Variants in SUGCT observed in about 807,000 individuals in gnomAD.
SUGCT encodes succinyl-CoA:glutarate-CoA transferase.
In SUGCT, 41 loss-of-function variants were observed where a neutral mutation model predicts 55.0. The ratio of observed to expected loss-of-function variants is 0.74; its 90% CI spans 0.58 to 0.97. The LOEUF (loss-of-function observed/expected upper bound fraction) is 0.97, where lower values mean the gene tolerates loss of function less well. SUGCT is among the 50% of genes least tolerant of loss of function. SUGCT has a pLI of 0.00. For missense variants in SUGCT, 568 were observed against 547.8 expected, an observed-to-expected ratio of 1.04 and a Z score of -0.37; for synonymous variants, 187 against 200.4, an observed-to-expected ratio of 0.93 and a Z score of 0.56.
At chr7:40,359,823 A>G (rs184352985) in intron 9 of SUGCT, among the ~76,000 whole-genome samples, 8 of 152,320 alleles carry the variant, frequency 5.3e-5, no homozygotes, top group Non-Finnish European at 1.0e-4. Flanking sequence ...AATGGTAGCT[A>G]TTATTTACAT....
At chr7:40,347,824 C>T (rs1391437712) in intron 9 of SUGCT, among the ~76,000 whole-genome samples, 1 of 152,306 alleles carries the variant, frequency 6.6e-6, no homozygotes, top group East Asian at 1.9e-4. Flanking sequence ...TCTTGAAAAT[C>T]TGTTCAGATC....
At chr7:40,771,098 GAAATTCC>G (rs1441056895) in intron 13 of SUGCT, among the ~76,000 whole-genome samples, 1 of 152,086 alleles carries the variant, frequency 6.6e-6, no homozygotes, top group East Asian at 1.9e-4. Flanking sequence ...AAGTTTTCTA[GAAATTCC>G]CAGGAAGTTA....
chr7:40,380,008 A>G (rs1784792546), intron 9 of SUGCT, among the ~76,000 whole-genome samples: 2 of 152,222 alleles, frequency 1.3e-5, no homozygotes, highest in Admixed American at 6.5e-5. Flanking sequence ...ATGTTAGACA[A>G]TTGGCAAATG....
chr7:40,755,939 TTTGGAAC>T (rs1360696239), intron 13 of SUGCT, among the ~76,000 whole-genome samples: 6 of 152,180 alleles, frequency 3.9e-5, no homozygotes, highest in African/African-American at 1.4e-4. Context: ...AATACTCACA[TTTGGAAC>T]TTGCAGCAGT....
intron 12 of SUGCT, among the ~76,000 whole-genome samples, chr7:40,648,927 A>G (rs1042380720): frequency 6.6e-6 from 1 of 152,182 alleles, no homozygotes; most frequent in Non-Finnish European, 1.5e-5. Context: ...GTTTGAGGCA[A>G]TTTGTTACAG....
chr7:40,888,017 T>A, the SUGCT span, among the ~76,000 whole-genome samples: 1 of 152,102 alleles, frequency 6.6e-6, no homozygotes, highest in Non-Finnish European at 1.5e-5. Flanking sequence ...ATCTCTGAAG[T>A]GGCAGAGCTG....
At chr7:40,708,715 A>G (rs1785551821) in intron 12 of SUGCT, among the ~76,000 whole-genome samples, 1 of 151,976 alleles carries the variant, frequency 6.6e-6, no homozygotes, top group Non-Finnish European at 1.5e-5. Context: ...AGCACTCTAG[A>G]TATCCTCATA....
chr7:40,294,195 C>T (rs1037408365), intron 8 of SUGCT, among the ~76,000 whole-genome samples: 13 of 152,074 alleles, frequency 8.5e-5, no homozygotes, highest in African/African-American at 3.1e-4. Flanking sequence ...GGTGATCCGC[C>T]TGCCTCAGCC....
the SUGCT span, among the ~76,000 whole-genome samples, chr7:41,029,496 A>G: frequency 2.2e-4 from 33 of 152,276 alleles, 1 homozygote; most frequent in East Asian, 6.2e-3. Context: ...TACACCCTGT[A>G]AAGCCCCTTG....
chr7:40,514,651 A>G (rs1793133267), intron 12 of SUGCT, among the ~76,000 whole-genome samples: 1 of 142,778 alleles, frequency 7.0e-6, no homozygotes, highest in African/African-American at 2.6e-5. Flanking sequence ...CGGAGGTTGC[A>G]GTGAGCCGAG....
the SUGCT span, among the ~76,000 whole-genome samples, chr7:40,899,239 C>A: frequency 6.6e-6 from 1 of 152,188 alleles, no homozygotes; most frequent in East Asian, 1.9e-4. Flanking sequence ...CTCCTTCCCT[C>A]CCTCCTCACC....
the SUGCT span, among the ~76,000 whole-genome samples, chr7:40,870,942 C>T: frequency 7.9e-5 from 12 of 152,106 alleles, no homozygotes; most frequent in African/African-American, 2.7e-4. Context: ...TCAACACGCT[C>T]CTACCTTTTT....
At chr7:40,452,965 C>G (rs1383845998) in intron 10 of SUGCT, among the ~76,000 whole-genome samples, 1 of 152,182 alleles carries the variant, frequency 6.6e-6, no homozygotes, top group East Asian at 1.9e-4. Context: ...AACTGGCAGT[C>G]AACTTAACCA....
At chr7:40,837,957 G>A (rs1408768262) in intron 13 of SUGCT, among the ~76,000 whole-genome samples, 1 of 152,128 alleles carries the variant, frequency 6.6e-6, no homozygotes, top group East Asian at 1.9e-4. Flanking sequence ...TTAGGATGAG[G>A]TCTGTTGCCT....
intron 9 of SUGCT, among the ~76,000 whole-genome samples, chr7:40,324,158 A>G (rs546125506): frequency 2.6e-4 from 40 of 151,176 alleles, no homozygotes; most frequent in Non-Finnish European, 4.4e-5. Context: ...TATTTTGCCT[A>G]AGGGCATTGC....
intron 7 of SUGCT, among the ~76,000 whole-genome samples, chr7:40,258,873 T>G (rs1357904233): frequency 6.6e-6 from 1 of 152,148 alleles, no homozygotes; most frequent in Admixed American, 6.5e-5. Flanking sequence ...GTGGAAGAGA[T>G]ATGTGCACTC....
At chr7:40,895,912 C>T in the SUGCT span, among the ~76,000 whole-genome samples, 6 of 152,208 alleles carry the variant, frequency 3.9e-5, no homozygotes, top group Non-Finnish European at 8.8e-5. Flanking sequence ...TGGCCAAAAG[C>T]TGAAAACTTT....
At chr7:40,408,987 C>T (rs1245967978) in intron 9 of SUGCT, among the ~76,000 whole-genome samples, 1 of 152,184 alleles carries the variant, frequency 6.6e-6, no homozygotes, top group Admixed American at 6.5e-5. Flanking sequence ...CAGCATCTTG[C>T]TGTGTCGCCT....
In SUGCT at chr7:40,449,600, A is replaced by G. The variant is rs182291939; in HGVS notation, c.888+242A>G. Among the ~76,000 whole-genome samples, 220 of 152,284 alleles carry G rather than the reference A, an allele frequency of 1.4e-3. No individual in the cohort carries two copies. The Middle Eastern group carries it at 0.027, about 19-fold the overall frequency. ...TGTCCTAAAACTTGACCTGCCTACC[A>G]TTCCAAACAAAATGGGGGAATCATT... is the stretch of plus-strand genomic sequence containing the variant. On this transcript the variant is annotated intron_variant, in intron 10 of 13. Transcript: ENST00000335693.
Sources: gnomAD v4.1 joint callset for allele counts (sites outside exome capture counted in the v4.1 genomes callset) on GRCh38, gnomAD v4.1.1 for gene constraint, MANE v1.5 for transcripts, NCBI Gene and HGNC (gene_info 2026-07-23, HGNC 2026-07-21) for gene names.